The following ENAH variants were observed in gnomAD, a reference collection of about 807,000 sequenced individuals.
The protein encoded by ENAH is protein enabled homolog.
A neutral mutation model predicts 78.7 loss-of-function variants in ENAH; 23 were observed. The ratio of observed to expected loss-of-function variants is 0.29; its 90% CI spans 0.21 to 0.41. ENAH has a LOEUF of 0.41. Ranked by LOEUF, ENAH falls within the 10% of genes least tolerant of loss-of-function variation. The pLI, the probability that ENAH is intolerant of heterozygous loss-of-function variation, is 1.00. For synonymous variants in ENAH, 226 were observed against 241.0 expected (o/e 0.94, Z 0.58); for missense variants, 544 against 691.0 (o/e 0.79, Z 2.39).
At chr1:225,526,163 G>A (rs1304994237) in intron 4 of ENAH, among the ~76,000 whole-genome samples, 1 of 151,864 alleles carries the variant, frequency 6.6e-6, no homozygotes, top group Admixed American at 6.6e-5. Context: ...TCACGTTTTT[G>A]TTCTCCTTCC....
chr1:225,578,855 A>C (rs1164665886), intron 1 of ENAH, among the ~76,000 whole-genome samples: 6 of 152,150 alleles, frequency 3.9e-5, no homozygotes, highest in Admixed American at 3.9e-4. Flanking sequence ...AAAGAATCCA[A>C]ATCTCTTGGT....
intron 1 of ENAH, among the ~76,000 whole-genome samples, chr1:225,592,357 A>G (rs1269837666): frequency 6.6e-6 from 1 of 152,152 alleles, no homozygotes; most frequent in East Asian, 1.9e-4. Flanking sequence ...CCAATTCCCT[A>G]TCCAGCAAGT....
rs2096244303 is a variant in ENAH at position 225,495,371 on chromosome 1, A to AATGT, written c.*2400_*2403dup. ...GACACAACTGTCATGTATGATAGCA[A>AATGT]ATGTATATAATAATTCATTCAGACT... On this transcript the variant is annotated 3_prime_UTR_variant, in exon 14 of 14. Coordinates refer to ENST00000366843, the MANE Select transcript of ENAH (RefSeq NM_018212.6). 1 of 152,334 alleles carries AATGT rather than the reference A, an allele frequency of 6.6e-6. No homozygotes were observed. Among genetic ancestry groups the AATGT allele is most frequent in the African/African-American group, 2.4e-5 (1 of 41,378 alleles). The allele number at this position is 152,334 out of a possible 1,614,324, so 9.4% of individuals were successfully genotyped here.
At chr1:225,541,712 ATTT>A (rs2096590123) in intron 3 of ENAH, among the ~76,000 whole-genome samples, 1 of 152,092 alleles carries the variant, frequency 6.6e-6, no homozygotes, top group Non-Finnish European at 1.5e-5. Flanking sequence ...AATTTTCGGT[ATTT>A]TTATTTTCTT....
At chr1:225,618,358 G>C (rs1212111328) in intron 1 of ENAH, among the ~76,000 whole-genome samples, 3 of 152,132 alleles carry the variant, frequency 2.0e-5, no homozygotes, top group Non-Finnish European at 4.4e-5. Context: ...TATATGAAAG[G>C]TTCACGCATC....
intron 4 of ENAH, among the ~76,000 whole-genome samples, chr1:225,525,822 A>G (rs1321027143): frequency 6.6e-6 from 1 of 151,890 alleles, no homozygotes; most frequent in African/African-American, 2.4e-5. Flanking sequence ...CCCCTTACCA[A>G]GCATTTGAAA....
chr1:225,593,515 G>C (rs2096888391), intron 1 of ENAH, among the ~76,000 whole-genome samples: 2 of 151,014 alleles, frequency 1.3e-5, no homozygotes, highest in South Asian at 2.1e-4. Flanking sequence ...TTTATGCTTT[G>C]AGAGGGGTGG....
At chr1:225,546,021 T>C (rs1020639399) in intron 3 of ENAH, among the ~76,000 whole-genome samples, 5 of 147,484 alleles carry the variant, frequency 3.4e-5, no homozygotes, top group Admixed American at 1.4e-4. Flanking sequence ...ACTCCCAGGC[T>C]CAAGTGATCC....
intron 11 of ENAH, among the ~76,000 whole-genome samples, chr1:225,502,827 C>T (rs2096291236): frequency 6.6e-6 from 1 of 152,150 alleles, no homozygotes; most frequent in African/African-American, 2.4e-5. Context: ...GATGTTATTT[C>T]ATATATTCAC....
intron 1 of ENAH, among the ~76,000 whole-genome samples, chr1:225,584,956 A>G (rs993845887): frequency 6.6e-6 from 1 of 152,064 alleles, no homozygotes; most frequent in African/African-American, 2.4e-5. Context: ...AATTAAAGGG[A>G]AAAATCTCAG....
chr1:225,601,489 G>T (rs1177845670), intron 1 of ENAH, among the ~76,000 whole-genome samples: 3 of 150,752 alleles, frequency 2.0e-5, no homozygotes, highest in African/African-American at 7.3e-5. Context: ...CTGCACGCCA[G>T]CCTGGGTGAC....
rs57634548 is a variant in ENAH, at chr1:225,574,901, A to C, written c.6-7487T>G. ...GGGCGACAGAGCGAGACTCCGTCTC[A>C]AAAAAAAAAAAAAAAAAAATATATA... is the stretch of plus-strand genomic sequence containing the variant. On this transcript the variant is annotated intron_variant, in intron 1 of 13. Coordinates refer to ENST00000366843, the MANE Select transcript of ENAH (RefSeq NM_018212.6). Among the ~76,000 whole-genome samples, 5 of 2,144 alleles carry C rather than the reference A, an allele frequency of 2.3e-3. 2 individuals are homozygous for C. The highest frequency in any genetic ancestry group is 0.034 in the East Asian group (2 of 58). 1.4% of individuals were successfully genotyped at this position (2,144 alleles called of 152,430 possible).
In ENAH at chr1:225,495,297, A is replaced by G. The variant is rs538421388; in HGVS notation, c.*2478T>C. The G allele has an allele frequency of 6.6e-6, 1 of 152,634 alleles. No homozygotes were observed. The highest frequency in any genetic ancestry group is 1.9e-4 in the East Asian group (1 of 5,188). The allele number at this position is 152,634 out of a possible 1,614,324, so 9.5% of individuals were successfully genotyped here. On this transcript the variant is annotated 3_prime_UTR_variant, in exon 14 of 14. Transcript: ENST00000366843. ...AAGGAACGTGGTTTTGATAAGGTAAATAACTTAGGCTTCTGTTTCCCATTT... is the reference window on the plus strand; with the variant it reads ...AAGGAACGTGGTTTTGATAAGGTAAGTAACTTAGGCTTCTGTTTCCCATTT...
intron 1 of ENAH, among the ~76,000 whole-genome samples, chr1:225,591,514 C>T (rs1314908543): frequency 6.7e-6 from 1 of 148,774 alleles, no homozygotes; most frequent in Non-Finnish European, 1.5e-5. Flanking sequence ...TGCCCGGAAT[C>T]CCAGAACTTT....
chr1:225,513,073 T>C (rs2096389357), intron 7 of ENAH, 57 bp from the exon 8 acceptor site: 2 of 1,419,362 alleles, frequency 1.4e-6, no homozygotes, highest in African/African-American at 1.5e-5. Context: ...ATATTTTTAT[T>C]AATATATTAC....
intron 6 of ENAH, chr1:225,515,159 T>C: frequency 2.4e-6 from 1 of 415,664 alleles, no homozygotes; most frequent in Non-Finnish European, 4.2e-6. Flanking sequence ...ATTAAGACTT[T>C]TTTTTTTCAT....
Position 225,519,371 on chromosome 1 carries a change from A to T in ENAH, c.629T>A (p.Leu210Gln), listed in dbSNP as rs962660150. Residue 210 changes from leucine to glutamine, a missense_variant, in exon 5 of 14, where the codon CTG becomes CAG. Physicochemically the swap from Leu to Gln is moderately radical, Grantham distance 113. This residue lies in a region of ENAH where 366 missense variants were observed against 396.1 expected (regional missense o/e 0.92). Coordinates refer to ENST00000366843, the MANE Select transcript of ENAH (RefSeq NM_018212.6). Reference sequence around the variant, plus strand: ...CCGCTCCAGGCGTTCCTGCCGCTCCAGGCGTTCCTGCCGCTCCAGGCGTTC... The same window carrying T: ...CCGCTCCAGGCGTTCCTGCCGCTCCTGGCGTTCCTGCCGCTCCAGGCGTTC... ...RQERLERQER[L>Q]ERQERLERQE... is the part of the protein sequence containing the mutation. 6.2e-7 allele frequency: 1 copy of T among 1,608,806 alleles called. No individual in the cohort carries two copies.
In ENAH at chr1:225,491,286, G is replaced by A. The variant is rs1324787651; in HGVS notation, c.*6489C>T. On this transcript the variant is annotated 3_prime_UTR_variant, in exon 14 of 14. Transcript: ENST00000366843. ...CTCCCGAAGAGCTGGGATTACAGGT[G>A]CCCACCACTATGCCCAGCCAATTTT... 1.3e-5 allele frequency: 2 copies of A among 152,144 alleles called. No individual in the cohort carries two copies. The highest frequency in any genetic ancestry group is 2.4e-5 in the African/African-American group (1 of 41,400). The allele number at this position is 152,144 out of a possible 1,614,324, so 9.4% of individuals were successfully genotyped here.
intron 1 of ENAH, among the ~76,000 whole-genome samples, chr1:225,651,486 G>T (rs759216938): frequency 8.3e-4 from 127 of 152,256 alleles, no homozygotes; most frequent in Non-Finnish European, 1.5e-3. Flanking sequence ...CAAAGCGAAG[G>T]AATTTGTAGA....
Sources: gnomAD v4.1 joint callset for allele counts (sites outside exome capture counted in the v4.1 genomes callset) on GRCh38, gnomAD v4.1.1 for gene constraint, gnomAD v4.1.1 regional missense constraint, MANE v1.5 for transcripts, NCBI Gene and HGNC (gene_info 2026-07-23, HGNC 2026-07-21) for gene names.